Variants in ENOX1 observed in about 807,000 individuals in gnomAD.
ENOX1 encodes ecto-NOX disulfide-thiol exchanger 1.
In ENOX1, 42 loss-of-function variants were observed where a neutral mutation model predicts 82.5. The ratio of observed to expected loss-of-function variants is 0.51; its 90% CI spans 0.40 to 0.66. The LOEUF (loss-of-function observed/expected upper bound fraction) is 0.66. Among genes scored for constraint, ENOX1 ranks in the 30% least tolerant of loss-of-function variants. The pLI is 0.00. For synonymous variants in ENOX1, 271 were observed against 282.2 expected (o/e 0.96, Z 0.40); for missense variants, 608 against 811.6 (o/e 0.75, Z 3.05).
intron 2 of ENOX1, among the ~76,000 whole-genome samples, chr13:43,554,392 A>G (rs1170268244): frequency 6.6e-6 from 1 of 152,232 alleles, no homozygotes; most frequent in Non-Finnish European, 1.5e-5. Flanking sequence ...CAAGTGATTT[A>G]AAAACATAGT....
At chr13:43,630,358 G>A (rs887172851) in intron 2 of ENOX1, among the ~76,000 whole-genome samples, 2 of 152,070 alleles carry the variant, frequency 1.3e-5, no homozygotes, top group Non-Finnish European at 2.9e-5. Context: ...TTGTATGGTA[G>A]TCCTTAAACC....
intron 3 of ENOX1, among the ~76,000 whole-genome samples, chr13:43,448,812 G>A (rs139503529): frequency 2.8e-4 from 42 of 152,274 alleles, no homozygotes; most frequent in African/African-American, 9.6e-4. Flanking sequence ...AACTCAGAGC[G>A]GCATCGCCAC....
chr13:43,756,439 A>AGAAGAGGGTT, intron 1 of ENOX1, among the ~76,000 whole-genome samples: 1 of 132,184 alleles, frequency 7.6e-6, no homozygotes, highest in African/African-American at 2.8e-5. Context: ...TCACAAGGAG[A>AGAAGAGGGTT]GAAGAGGGTT....
At chr13:43,495,911 T>C (rs1462889442) in intron 2 of ENOX1, among the ~76,000 whole-genome samples, 1 of 152,152 alleles carries the variant, frequency 6.6e-6, no homozygotes, top group Non-Finnish European at 1.5e-5. Flanking sequence ...ATTTCCATCA[T>C]GGCTAATGAT....
At chr13:43,430,070 T>G (rs1234053761) in intron 3 of ENOX1, among the ~76,000 whole-genome samples, 1 of 152,236 alleles carries the variant, frequency 6.6e-6, no homozygotes, top group African/African-American at 2.4e-5. Context: ...GCTCTCAACA[T>G]GGAGCCTACC....
chr13:43,433,548 TA>T (rs952497390), intron 3 of ENOX1, among the ~76,000 whole-genome samples: 9 of 152,094 alleles, frequency 5.9e-5, no homozygotes, highest in African/African-American at 9.7e-5. Context: ...AGAATTGTCT[TA>T]AAAAAATACA....
chr13:43,723,602 T>C (rs531064318), intron 1 of ENOX1, among the ~76,000 whole-genome samples: 2 of 152,208 alleles, frequency 1.3e-5, no homozygotes, highest in African/African-American at 4.8e-5. Context: ...AAATGCATTT[T>C]AACAGACTTT....
intron 3 of ENOX1, among the ~76,000 whole-genome samples, chr13:43,450,785 T>A (rs1256983616): frequency 6.6e-6 from 1 of 152,052 alleles, no homozygotes; most frequent in Admixed American, 6.6e-5. Context: ...GGCGAGCTCA[T>A]GGGCAAGATG....
At chr13:43,478,446 T>C (rs2058379041) in intron 3 of ENOX1, among the ~76,000 whole-genome samples, 1 of 152,100 alleles carries the variant, frequency 6.6e-6, no homozygotes, top group Non-Finnish European at 1.5e-5. Context: ...CTTGATGTCG[T>C]ATGCAAAAAA....
intron 2 of ENOX1, chr13:43,544,385 G>A (rs973511683): frequency 6.6e-6 from 1 of 152,106 alleles, no homozygotes; most frequent in African/African-American, 2.4e-5. Flanking sequence ...CTCACTAAAT[G>A]ATATTTTGAA....
chr13:43,361,320 ATTTC>A lies in ENOX1; in HGVS notation c.337_340del (p.Glu113Ter), dbSNP rs1471823829. ...AAGAGTACAGCTTTTGCAGTGGATT[ATTTC>A]TTTGACAACAGCCACTTCTGTTGGT... On this transcript the variant is annotated frameshift_variant, in exon 6 of 17. Transcript: ENST00000690772. LOFTEE classifies it high-confidence loss of function. 6.2e-7 allele frequency: 1 copy of A among 1,613,984 alleles called. No individual in the cohort carries two copies.
intron 5 of ENOX1, among the ~76,000 whole-genome samples, chr13:43,406,492 C>CCTTTT (rs1464965692): frequency 2.5e-4 from 28 of 114,028 alleles, no homozygotes; most frequent in African/African-American, 7.3e-4. Flanking sequence ...AGTATGTTGT[C>CCTTTT]TTTTTTTTTT....
At chr13:43,614,661 C>A (rs2082332989) in intron 2 of ENOX1, among the ~76,000 whole-genome samples, 1 of 151,134 alleles carries the variant, frequency 6.6e-6, no homozygotes, top group South Asian at 2.1e-4. Context: ...GTTTCTACAC[C>A]TACATTCATG....
chr13:43,433,456 G>A (rs2055808685), intron 3 of ENOX1, among the ~76,000 whole-genome samples: 1 of 151,968 alleles, frequency 6.6e-6, no homozygotes, highest in Non-Finnish European at 1.5e-5. Context: ...TGTTGGTGGG[G>A]ACAAACTCAA....
chr13:43,370,501 G>A (rs772420202), intron 5 of ENOX1, among the ~76,000 whole-genome samples: 15 of 152,264 alleles, frequency 9.9e-5, no homozygotes, highest in South Asian at 4.1e-4. Context: ...CAGGGTTACC[G>A]TCAATTCCTT....
chr13:43,265,760 G>T lies in ENOX1; in HGVS notation c.1555-306C>A, dbSNP rs138581261. Among the ~76,000 whole-genome samples the T allele has an allele frequency of 7.7e-4, 118 of 152,266 alleles. 1 individual carries two copies. The highest frequency in any genetic ancestry group is 2.7e-3 in the African/African-American group (111 of 41,532). On this transcript the variant is annotated intron_variant, in intron 13 of 16. Transcript: ENST00000690772. ...AAATTGGTTCTTAAGAATAATAAATGATTTCATTTCCTAGTTGGATTGCTA... is the reference window on the plus strand; with the variant it reads ...AAATTGGTTCTTAAGAATAATAAATTATTTCATTTCCTAGTTGGATTGCTA...
chr13:43,540,474 G>A lies in ENOX1; in HGVS notation c.-218-56322C>T, dbSNP rs144107581. 2.8e-4 allele frequency among the ~76,000 whole-genome samples: 43 copies of A among 152,288 alleles called. 1 individual carries two copies. Among genetic ancestry groups the A allele is most frequent in the African/African-American group, 7.5e-4 (31 of 41,552 alleles). On this transcript the variant is annotated intron_variant, in intron 2 of 16. Coordinates refer to ENST00000690772, the MANE Select transcript of ENOX1 (RefSeq NM_001347969.2). ...AAAAAACTAAAAACAAGTATTGGCA[G>A]CATGATAAGACTCCCAAGATGACCC...
rs56828107 is a variant in ENOX1 at position 43,470,342 on chromosome 13, GTATA to G, written c.-75+13663_-75+13666del. ...CACATATATATATGTATATATATAC[GTATA>G]TATATATGTATATATATACGTATAT... On this transcript the variant is annotated intron_variant, in intron 3 of 16. Coordinates refer to ENST00000690772, the MANE Select transcript of ENOX1 (RefSeq NM_001347969.2). Among the ~76,000 whole-genome samples the G allele has an allele frequency of 2.8e-4, 12 of 43,058 alleles. 1 individual carries two copies. Among genetic ancestry groups the G allele is most frequent in the African/African-American group, 7.6e-4 (11 of 14,488 alleles). 28.2% of individuals were successfully genotyped at this position (43,058 alleles called of 152,430 possible). A position where few individuals can be genotyped will look rare whatever the true frequency, so the allele number is the denominator to read the frequency against.
At chr13:43,481,786 T>C (rs1593421695) in intron 3 of ENOX1, among the ~76,000 whole-genome samples, 1 of 152,146 alleles carries the variant, frequency 6.6e-6, no homozygotes, top group Admixed American at 6.5e-5. Context: ...ATATTAAATA[T>C]GTAATAAACT....
Sources: gnomAD v4.1 joint callset for allele counts (sites outside exome capture counted in the v4.1 genomes callset) on GRCh38, gnomAD v4.1.1 for gene constraint, MANE v1.5 for transcripts, NCBI Gene and HGNC (gene_info 2026-07-23, HGNC 2026-07-21) for gene names.